ADCY10: variants seen among roughly 807,000 people sequenced by gnomAD.
The protein encoded by ADCY10 is adenylate cyclase 10.
In ADCY10, 156 loss-of-function variants were observed where a neutral mutation model predicts 183.3. That is an observed-to-expected ratio of 0.85 (90% CI 0.75 to 0.97). The LOEUF is 0.97. Among genes scored for constraint, ADCY10 ranks in the 50% least tolerant of loss-of-function variants. The pLI is 0.00. For synonymous variants in ADCY10, 645 were observed against 670.0 expected, an observed-to-expected ratio of 0.96 and a Z score of 0.58; for missense variants, 1,745 against 1,934.3, an observed-to-expected ratio of 0.90 and a Z score of 1.84.
At position 167,867,764 on chromosome 1, in the gene ADCY10, C is replaced by T. The variant is rs139876643; in HGVS notation, c.1616+2493G>A. Reference sequence around the variant, plus strand: ...ATAGCAATCGGCATAGAATAAGATGCGGTTCTTTAAACTGAAAAAAAAAAA... The same window carrying T: ...ATAGCAATCGGCATAGAATAAGATGTGGTTCTTTAAACTGAAAAAAAAAAA... On this transcript the variant is annotated intron_variant, in intron 14 of 32. Transcript: ENST00000367851. 9.3e-5 allele frequency among the ~76,000 whole-genome samples: 14 copies of T among 151,122 alleles called. 1 individual carries two copies. The highest frequency in any genetic ancestry group is 5.3e-4 in the Admixed American group (8 of 15,184).
chr1:167,862,852 T>G (rs576196961), intron 14 of ADCY10, among the ~76,000 whole-genome samples: 8 of 152,332 alleles, frequency 5.3e-5, no homozygotes, highest in African/African-American at 1.7e-4. Context: ...GGAAGGGATA[T>G]GAGTCACCAT....
At chr1:167,811,039 A>G (rs1225237422) in intron 31 of ADCY10, 126 bp from the exon 32 acceptor site, 1 of 866,320 alleles carries the variant, frequency 1.2e-6, no homozygotes, top group African/African-American at 1.7e-5. Context: ...AAAATACATT[A>G]TAGAGACATA....
intron 6 of ADCY10, among the ~76,000 whole-genome samples, chr1:167,897,004 A>C (rs1228955172): frequency 6.6e-6 from 1 of 152,120 alleles, no homozygotes; most frequent in African/African-American, 2.4e-5. Context: ...TTTTAATTCA[A>C]ATAAAACCTG....
intron 26 of ADCY10, among the ~76,000 whole-genome samples, chr1:167,827,716 A>C (rs1663415410): frequency 2.0e-5 from 3 of 150,544 alleles, no homozygotes; most frequent in Admixed American, 6.7e-5. Context: ...TTAAAAAAAA[A>C]AAATTTTTTT....
At chr1:167,837,420 G>T in intron 21 of ADCY10, 102 bp from the exon 22 acceptor site, 1 of 1,028,342 alleles carries the variant, frequency 9.7e-7, no homozygotes, top group Non-Finnish European at 1.5e-6. Flanking sequence ...CGGAGTTGTT[G>T]CTGCCCAGCC....
intron 15 of ADCY10, 144 bp downstream of exon 15, chr1:167,860,727 C>A (rs1261462629): frequency 1.4e-6 from 1 of 700,164 alleles, no homozygotes; most frequent in Non-Finnish European, 2.6e-6. Context: ...TGATGCACAT[C>A]CAGAGAGGAT....
intron 21 of ADCY10, 131 bp from the exon 22 acceptor site, chr1:167,837,449 TC>T: frequency 1.3e-6 from 1 of 758,034 alleles, no homozygotes; most frequent in Non-Finnish European, 2.3e-6. Context: ...CATTGCCTAG[TC>T]CCCATTGTAT....
In ADCY10 at chr1:167,895,576, G is replaced by A. The variant is rs138119329; in HGVS notation, c.739+1019C>T. Among the ~76,000 whole-genome samples the A allele has an allele frequency of 2.3e-3, 346 of 152,308 alleles. 1 individual carries two copies. The highest frequency in any genetic ancestry group is 8.0e-3 in the African/African-American group (333 of 41,566). ...AAGTTCAGATACGTTAATATTAGAT[G>A]CCTATTTGACATCCAGTGGAAGTCG... On this transcript the variant is annotated intron_variant, in intron 7 of 32. Transcript: ENST00000367851.
Position 167,846,153 on chromosome 1 carries a change from G to A in ADCY10, c.2548C>T (p.Pro850Ser), listed in dbSNP as rs752405771. 1.9e-6 allele frequency: 3 copies of A among 1,614,094 alleles called. No individual in the cohort carries two copies. The South Asian group carries it at 3.3e-5, about 18-fold the overall frequency. ...ATCATCATCTTCATATTCCAACAGG[G>A]GAGAATCTCAAACAACAACTCAGTG... ...FTTELLFEIL[P>S]CWNMKMMIKT... is the part of the protein sequence containing the mutation. Residue 850 changes from proline to serine, a missense_variant, in exon 20 of 33, where the codon CCC becomes TCC. Pro to Ser is a moderately conservative substitution (Grantham distance 74, BLOSUM62 -1). Transcript: ENST00000367851.
intron 22 of ADCY10, chr1:167,837,025 G>GA: frequency 1.9e-6 from 1 of 535,448 alleles, no homozygotes; most frequent in Middle Eastern, 3.7e-4. Flanking sequence ...ACTCCATCTT[G>GA]AAAAAATAAA....
chr1:167,886,583 AC>A (rs1668239444), intron 8 of ADCY10, among the ~76,000 whole-genome samples: 1 of 152,182 alleles, frequency 6.6e-6, no homozygotes, highest in Admixed American at 6.5e-5. Flanking sequence ...TAGACCTAAA[AC>A]CATAAAAACC....
chr1:167,880,427 G>A lies in ADCY10; in HGVS notation c.1139+64C>T. On this transcript the variant is annotated intron_variant, in intron 10 of 32. Coordinates refer to ENST00000367851, the MANE Select transcript of ADCY10 (RefSeq NM_018417.6). ...CTTCTTTCTTTCCTGTTCCCTGCATGCCCTCCCTACTTATGCCTCAAAAGG... is the reference window on the plus strand; with the variant it reads ...CTTCTTTCTTTCCTGTTCCCTGCATACCCTCCCTACTTATGCCTCAAAAGG... The A allele has an allele frequency of 8.4e-6, 10 of 1,186,682 alleles. No homozygotes were observed. The South Asian group carries it at 1.1e-4, about 13-fold the overall frequency. The allele number at this position is 1,186,682 out of a possible 1,614,324, so 73.5% of individuals were successfully genotyped here.
intron 14 of ADCY10, among the ~76,000 whole-genome samples, chr1:167,863,902 G>C (rs1184773719): frequency 6.6e-6 from 1 of 152,156 alleles, no homozygotes; most frequent in Non-Finnish European, 1.5e-5. Context: ...ATCACCCACG[G>C]CGTGCCTTTA....
chr1:167,840,261 T>C (rs562774858), intron 21 of ADCY10, among the ~76,000 whole-genome samples: 2 of 151,342 alleles, frequency 1.3e-5, no homozygotes, highest in Admixed American at 1.3e-4. Context: ...GGTGATAGAA[T>C]GGGATGCAAA....
At chr1:167,822,633 A>G (rs1221977344) in intron 29 of ADCY10, among the ~76,000 whole-genome samples, 1 of 152,176 alleles carries the variant, frequency 6.6e-6, no homozygotes, top group Non-Finnish European at 1.5e-5. Flanking sequence ...TCTCACCTCA[A>G]GCAATCTAGT....
chr1:167,865,474 A>T (rs1666614036), intron 14 of ADCY10, among the ~76,000 whole-genome samples: 2 of 152,244 alleles, frequency 1.3e-5, no homozygotes, highest in Non-Finnish European at 2.9e-5. Flanking sequence ...CAAACATGAA[A>T]AATTGGATAA....
Position 167,862,415 on chromosome 1 carries a change from C to T in ADCY10, c.1617-1352G>A, listed in dbSNP as rs897854935. Among the ~76,000 whole-genome samples the T allele has an allele frequency of 2.6e-5, 4 of 152,070 alleles. No individual in the cohort carries two copies. The South Asian group carries it at 6.2e-4, about 24-fold the overall frequency. On this transcript the variant is annotated intron_variant, in intron 14 of 32. Transcript: ENST00000367851. ...GACATGAAGGCAGAGATTAGGGTGA[C>T]GCTTCTACAAGCCATCTTTGGAACA...
chr1:167,809,953 A>G (rs1201497702), intron 32 of ADCY10, 114 bp from the exon 33 acceptor site: 11 of 1,103,374 alleles, frequency 1.0e-5, no homozygotes, highest in African/African-American at 1.6e-5. Context: ...ATGTGAACCC[A>G]TAGACAAAAA....
Position 167,809,509 on chromosome 1 carries a change from T to A in ADCY10, c.*169A>T. The stretch of plus-strand genomic sequence containing the variant: ...ATTAGGAAGAAGTAAACCATGACAC[T>A]CCTGACCCTTGTAGGCCCTCCAGAA... On this transcript the variant is annotated 3_prime_UTR_variant, in exon 33 of 33. Coordinates refer to ENST00000367851, the MANE Select transcript of ADCY10 (RefSeq NM_018417.6). 1.3e-6 allele frequency: 1 copy of A among 741,072 alleles called. No individual in the cohort carries two copies. Among genetic ancestry groups the A allele is most frequent in the Non-Finnish European group, 2.2e-6 (1 of 450,600 alleles). The allele number at this position is 741,072 out of a possible 1,614,324, so 45.9% of individuals were successfully genotyped here.
Sources: allele counts gnomAD v4.1 joint callset (sites outside exome capture counted in the v4.1 genomes callset), GRCh38; gene constraint gnomAD v4.1.1; transcripts MANE v1.5; gene names NCBI Gene and HGNC (gene_info 2026-07-23, HGNC 2026-07-21).